The following FMNL2 variants were observed in gnomAD, a reference collection of about 807,000 sequenced individuals.
FMNL2 encodes formin-like protein 2.
Under a neutral mutation model 130.2 loss-of-function variants are expected in FMNL2, and 51 were observed. The observed-to-expected ratio is 0.39, with a 90% CI of 0.31 to 0.49. FMNL2 has a LOEUF of 0.49. Among genes scored for constraint, FMNL2 ranks in the 20% least tolerant of loss-of-function variants. The probability of loss-of-function intolerance (pLI) is 0.85; values close to 1 mark genes in which losing one functional copy is unlikely to be tolerated. For synonymous variants in FMNL2, 465 were observed against 467.1 expected (o/e 1.00, Z 0.06); for missense variants, 977 against 1,316.2 (o/e 0.74, Z 3.99).
intron 2 of FMNL2, among the ~76,000 whole-genome samples, chr2:152,524,062 C>A (rs575328335): frequency 6.6e-6 from 1 of 152,200 alleles, no homozygotes; most frequent in African/African-American, 2.4e-5. Flanking sequence ...GTGTGGTTTG[C>A]TTTTGGTAAA....
At chr2:152,511,865 C>T (rs1692511653) in intron 1 of FMNL2, among the ~76,000 whole-genome samples, 1 of 152,180 alleles carries the variant, frequency 6.6e-6, no homozygotes, top group African/African-American at 2.4e-5. Flanking sequence ...ACTGCAGTCT[C>T]ATGGCTTTCT....
At chr2:152,510,640 C>T (rs1692449468) in intron 1 of FMNL2, among the ~76,000 whole-genome samples, 1 of 152,202 alleles carries the variant, frequency 6.6e-6, no homozygotes, top group African/African-American at 2.4e-5. Flanking sequence ...GTCGTACACA[C>T]AGATGCAAAC....
At chr2:152,643,303 T>C (rs1683254485) in intron 25 of FMNL2, 2 of 1,418,486 alleles carry the variant, frequency 1.4e-6, no homozygotes, top group Non-Finnish European at 9.5e-7. Context: ...CCTGCCCATC[T>C]TCCCCACCCC....
intron 1 of FMNL2, among the ~76,000 whole-genome samples, chr2:152,430,650 A>G (rs1191444552): frequency 2.6e-5 from 4 of 152,112 alleles, no homozygotes; most frequent in Admixed American, 1.3e-4. Flanking sequence ...AGGTGGGCGG[A>G]TTGCCTGAGC....
chr2:152,584,933 C>A (rs1004376506), intron 9 of FMNL2, among the ~76,000 whole-genome samples: 5 of 151,996 alleles, frequency 3.3e-5, no homozygotes, highest in Non-Finnish European at 7.4e-5. Flanking sequence ...GAATGTTAAC[C>A]CAAAGCTTTG....
chr2:152,490,569 A>ATGTGTGTGTGTGTGTGTGTGTGTGTG (rs58838989), intron 1 of FMNL2, among the ~76,000 whole-genome samples: 1 of 108,520 alleles, frequency 9.2e-6, no homozygotes, highest in Non-Finnish European at 1.9e-5. Context: ...TTGCTATCCA[A>ATGTGTGTGTGTGTGTGTGTGTGTGTG]TGTGTGTGTG....
intron 3 of FMNL2, 25 bp from the exon 4 acceptor site, chr2:152,548,996 G>GA (rs1463094816): frequency 6.4e-7 from 1 of 1,567,122 alleles, no homozygotes. Context: ...AATATTTTGT[G>GA]AGAATATGTG....
At chr2:152,632,207 T>G in intron 21 of FMNL2, 70 bp downstream of exon 21, 1 of 1,549,864 alleles carries the variant, frequency 6.5e-7, no homozygotes, top group East Asian at 2.3e-5. Flanking sequence ...AGCCATTCCC[T>G]GCTTAAACAC....
At chr2:152,604,886 G>A (rs904082741) in intron 9 of FMNL2, among the ~76,000 whole-genome samples, 6 of 143,662 alleles carry the variant, frequency 4.2e-5, no homozygotes, top group East Asian at 2.5e-4. Context: ...GAGAACCACC[G>A]TGCCCAGCCT....
chr2:152,632,982 T>C (rs1682277853), intron 21 of FMNL2, among the ~76,000 whole-genome samples: 1 of 152,148 alleles, frequency 6.6e-6, no homozygotes, highest in Non-Finnish European at 1.5e-5. Flanking sequence ...AACTCAGCCA[T>C]GGTAAATGGC....
At chr2:152,523,878 T>A (rs1394234867) in intron 2 of FMNL2, among the ~76,000 whole-genome samples, 1 of 152,186 alleles carries the variant, frequency 6.6e-6, no homozygotes, top group Non-Finnish European at 1.5e-5. Context: ...TGAAACGTGC[T>A]TATTGAAAAC....
At chr2:152,439,803 G>T (rs549890193) in intron 1 of FMNL2, among the ~76,000 whole-genome samples, 5 of 148,002 alleles carry the variant, frequency 3.4e-5, no homozygotes, top group Non-Finnish European at 7.4e-5. Flanking sequence ...ATTTGGTCTA[G>T]TATGCCGTGT....
At position 152,421,639 on chromosome 2, in the gene FMNL2, G is replaced by A. The variant is rs190487163; in HGVS notation, c.117+85919G>A. On this transcript the variant is annotated intron_variant, in intron 1 of 25. Coordinates refer to ENST00000288670, the MANE Select transcript of FMNL2 (RefSeq NM_052905.4). ...CTCAGAGGACACTGAATTCACCTAG[G>A]AACTTCGAGAAATGTGAGATGATTC... Among the ~76,000 whole-genome samples the A allele has an allele frequency of 1.8e-4, 27 of 152,202 alleles. 1 individual carries two copies. Among genetic ancestry groups the A allele is most frequent in the African/African-American group, 6.0e-4 (25 of 41,522 alleles).
rs567181450 is a variant in FMNL2, at chr2:152,359,464, G to A, written c.117+23744G>A. Among the ~76,000 whole-genome samples, 7 of 142,542 alleles carry A rather than the reference G, an allele frequency of 4.9e-5. No homozygotes were observed. The South Asian group carries it at 9.3e-4, about 19-fold the overall frequency. 93.5% of individuals were successfully genotyped at this position (142,542 alleles called of 152,430 possible). A position where few individuals can be genotyped will look rare whatever the true frequency, so the allele number is the denominator to read the frequency against. On this transcript the variant is annotated intron_variant, in intron 1 of 25. Transcript: ENST00000288670. ...ATCATTTAATTTCACAGTTGTAGCC[G>A]TTATCTAAGAGGTAGCCTTTTTTTT...
At chr2:152,356,853 T>C (rs574203307) in intron 1 of FMNL2, among the ~76,000 whole-genome samples, 3 of 151,812 alleles carry the variant, frequency 2.0e-5, no homozygotes, top group East Asian at 3.9e-4. Flanking sequence ...GGAGAAGATA[T>C]GTATATTGGT....
At chr2:152,521,853 A>T (rs532477610) in intron 1 of FMNL2, 90 bp from the exon 2 acceptor site, 1 of 932,456 alleles carries the variant, frequency 1.1e-6, no homozygotes, top group Middle Eastern at 2.1e-4. Flanking sequence ...AAAAAACCAT[A>T]GTGGTATTAT....
At chr2:152,477,595 G>A (rs1254091170) in intron 1 of FMNL2, among the ~76,000 whole-genome samples, 2 of 152,134 alleles carry the variant, frequency 1.3e-5, no homozygotes, top group African/African-American at 2.4e-5. Flanking sequence ...CAGGCTGTCC[G>A]TTGATTTGTT....
At chr2:152,626,423 A>C (rs1188837710) in intron 16 of FMNL2, 102 bp from the exon 17 acceptor site, 2 of 927,508 alleles carry the variant, frequency 2.2e-6, no homozygotes, top group African/African-American at 1.7e-5. Context: ...ACAAGTACTT[A>C]ATAGAAAAAG....
rs1172293604 is a variant in FMNL2 at position 152,541,162 on chromosome 2, C to CT, written c.202-1569dup. ...CTCATTTCTTTTTTTCTTTTCTTTT[C>CT]TTTTTTTTGTTTTAGACAGGGTCTC... On this transcript the variant is annotated intron_variant, in intron 2 of 25. Transcript: ENST00000288670. 4.6e-5 allele frequency among the ~76,000 whole-genome samples: 7 copies of CT among 151,634 alleles called. No homozygotes were observed. In the East Asian group the frequency reaches 7.8e-4, roughly 17 times the overall value.
Sources: allele counts gnomAD v4.1 joint callset (sites outside exome capture counted in the v4.1 genomes callset), GRCh38; gene constraint gnomAD v4.1.1; transcripts MANE v1.5; gene names NCBI Gene and HGNC (gene_info 2026-07-23, HGNC 2026-07-21).